Variants in ATAD3B observed in about 807,000 individuals in gnomAD.
The protein encoded by ATAD3B is ATPase family AAA domain containing 3B, also known as ATPase family AAA domain-containing protein 3B.
In ATAD3B, 59 loss-of-function variants were observed where a neutral mutation model predicts 70.2. That is an observed-to-expected ratio of 0.84 (90% CI 0.68 to 1.04). The LOEUF (loss-of-function observed/expected upper bound fraction) is 1.04. ATAD3B is among the 50% of genes least tolerant of loss of function. ATAD3B has a pLI of 0.00. For missense variants in ATAD3B, 961 were observed against 913.4 expected (o/e 1.05, Z -0.67); for synonymous variants, 423 against 388.6 (o/e 1.09, Z -1.04).
At position 1,482,293 on chromosome 1, in the gene ATAD3B, G is replaced by C; in HGVS notation, c.670G>C (p.Glu224Gln). 6.2e-7 allele frequency: 1 copy of C among 1,608,968 alleles called. No homozygotes were observed. Among genetic ancestry groups the C allele is most frequent in the Non-Finnish European group, 8.5e-7 (1 of 1,178,622 alleles). ...GTCCGAGCACCGTCAGACCGTCTTG[G>C]AGTCCATCAGGTGAGCACTGCCCAG... ...KASEHRQTVL[E>Q]SIRTAGTLFG... The change falls in exon 6 of 16, where the codon GAG (glutamate) becomes CAG (glutamine). Residue 224 changes from glutamate (E) to glutamine (Q), a missense_variant. Glu to Gln is a conservative substitution (Grantham distance 29, BLOSUM62 2). Around this residue, in one of 4 missense-constraint regions of ATAD3B, gnomAD observed 349 missense variants for 307.5 expected, o/e 1.14. Coordinates refer to ENST00000673477, the MANE Select transcript of ATAD3B (RefSeq NM_031921.6).
chr1:1,484,849 C>T lies in ATAD3B; in HGVS notation c.751-167C>T. On this transcript the variant is annotated intron_variant, in intron 7 of 15. Transcript: ENST00000673477. ...CTGCCCCACCTGCCTCCTGTAACCG[C>T]GTGGCTGTGGGATTCGGGGCTGGGA... The T allele has an allele frequency of 1.6e-5, 23 of 1,408,490 alleles. 1 individual carries two copies. Among genetic ancestry groups the T allele is most frequent in the Middle Eastern group, 2.6e-4 (1 of 3,838 alleles). The allele number at this position is 1,408,490 out of a possible 1,614,324, so 87.2% of individuals were successfully genotyped here.
chr1:1,485,230 C>A (rs1640141590), intron 8 of ATAD3B, 59 bp downstream of exon 8: 5 of 1,592,024 alleles, frequency 3.1e-6, no homozygotes, highest in East Asian at 4.5e-5. Context: ...CCTTCTGCCC[C>A]ACGAGCACAG....
intron 15 of ATAD3B, among the ~76,000 whole-genome samples, chr1:1,492,116 G>T (rs961634715): frequency 5.3e-5 from 8 of 151,616 alleles, no homozygotes; most frequent in Non-Finnish European, 5.9e-5. Context: ...AGTCCAGGAG[G>T]CGGAGGCTGC....
chr1:1,472,554 T>G (rs947564124), intron 1 of ATAD3B, among the ~76,000 whole-genome samples: 8 of 152,016 alleles, frequency 5.3e-5, no homozygotes, highest in African/African-American at 1.7e-4. Context: ...TTGCACTTCT[T>G]GTTGGAAGAC....
In ATAD3B at chr1:1,490,381, C is replaced by T. The variant is rs1640473521; in HGVS notation, c.1462C>T (p.His488Tyr). ...QEERERLVRL[H>Y]FDNCVLKPAT... ...GGAGCGGGAGCGCCTGGTGAGACTG[C>T]ATTTTGACAACTGTGTTCTTAAGCC... The change falls in exon 14 of 16, where the codon CAT (histidine) becomes TAT (tyrosine). Residue 488 changes from histidine (H) to tyrosine (Y), a missense_variant. Physicochemically the swap from His to Tyr is moderately conservative, Grantham distance 83. This residue lies in a region of ATAD3B where 417 missense variants were observed against 335.0 expected (regional missense o/e 1.24). Transcript: ENST00000673477. 1 of 1,613,372 alleles carries T rather than the reference C, an allele frequency of 6.2e-7. No homozygotes were observed. Among genetic ancestry groups the T allele is most frequent in the Non-Finnish European group, 8.5e-7 (1 of 1,179,678 alleles).
intron 4 of ATAD3B, among the ~76,000 whole-genome samples, 193 bp from the exon 5 acceptor site, chr1:1,480,674 G>A (rs1281489439): frequency 6.8e-6 from 1 of 147,176 alleles, no homozygotes; most frequent in African/African-American, 2.5e-5. Context: ...TTGGGACCCT[G>A]AACCCATCCC....
chr1:1,489,815 C>T lies in ATAD3B; in HGVS notation c.1338-442C>T, dbSNP rs1640434107. The T allele has an allele frequency of 8.7e-6, 11 of 1,262,510 alleles. 1 individual carries two copies. Among genetic ancestry groups the T allele is most frequent in the African/African-American group, 1.5e-5 (1 of 64,572 alleles). The allele number at this position is 1,262,510 out of a possible 1,614,324, so 78.2% of individuals were successfully genotyped here. ...GCTCCCTGGAGCCCTGACTCAGGTCCTTCCCAGAGAGGCAAGGCTGGGGCC... is the reference window on the plus strand; with the variant it reads ...GCTCCCTGGAGCCCTGACTCAGGTCTTTCCCAGAGAGGCAAGGCTGGGGCC... On this transcript the variant is annotated intron_variant, in intron 13 of 15. Transcript: ENST00000673477.
In ATAD3B at chr1:1,486,565, A is replaced by G. The variant is rs140644969; in HGVS notation, c.1111A>G (p.Met371Val). 4.3e-6 allele frequency: 7 copies of G among 1,611,890 alleles called. No individual in the cohort carries two copies. The highest frequency in any genetic ancestry group is 1.4e-5 in the African/African-American group (1 of 73,848). ...CCAGAAACTCGCCCTGCACTCAGGC[A>G]TGGACTACGCCATCATGACAGGCGG... ...FAKKLALHSG[M>V]DYAIMTGGDV... Residue 371 changes from methionine (M) to valine (V), a missense_variant, in exon 11 of 16, where the codon ATG becomes GTG. By Grantham distance (21) the Met-to-Val change is conservative (BLOSUM62 1). Coordinates refer to ENST00000673477, the MANE Select transcript of ATAD3B (RefSeq NM_031921.6).
At chr1:1,502,990 C>T in the ATAD3B span, among the ~76,000 whole-genome samples, 24 of 150,852 alleles carry the variant, frequency 1.6e-4, no homozygotes, top group East Asian at 7.9e-4. Context: ...TTTGGGAGGC[C>T]GAGGCAGGTG....
chr1:1,499,000 C>A (rs189214313), downstream of ATAD3B, among the ~76,000 whole-genome samples: 1,257 of 148,680 alleles, frequency 8.5e-3, 13 homozygotes, highest in Admixed American at 0.013. Flanking sequence ...GAGACAGAGT[C>A]TCATGCTGTC....
chr1:1,503,741 G>T, the ATAD3B span: 1 of 1,577,664 alleles, frequency 6.3e-7, no homozygotes, highest in Non-Finnish European at 8.6e-7. Context: ...TACTGCCGGT[G>T]GGTAGGGCTG....
Position 1,485,743 on chromosome 1 carries a change from G to A in ATAD3B, c.907-39G>A, listed in dbSNP as rs761450639. On this transcript the variant is annotated intron_variant, in intron 8 of 15. Coordinates refer to ENST00000673477, the MANE Select transcript of ATAD3B (RefSeq NM_031921.6). ...CGTTGGTGGCTGTTCCGTGGCTGTGGCAGGTGACCCAATGGTGCTTCCCCT... is the reference window on the plus strand; with the variant it reads ...CGTTGGTGGCTGTTCCGTGGCTGTGACAGGTGACCCAATGGTGCTTCCCCT... 8.1e-6 allele frequency: 13 copies of A among 1,610,914 alleles called. 1 individual carries two copies. The highest frequency in any genetic ancestry group is 5.0e-5 in the Admixed American group (3 of 59,858).
In ATAD3B at chr1:1,472,089, CG is replaced by C. The variant is rs1557787297; in HGVS notation, c.205+1del. ...GGCGGCGCGCGAGCTGGAGCACTCG[CG>C]TGAGTGCGGCGGGGCGGGGCGGGGC... On this transcript the variant is annotated splice_donor_variant, in intron 1 of 15. Transcript: ENST00000673477. LOFTEE classifies it high-confidence loss of function. 1.8e-6 allele frequency: 2 copies of C among 1,117,180 alleles called. No individual in the cohort carries two copies. The highest frequency in any genetic ancestry group is 1.1e-6 in the Non-Finnish European group (1 of 919,214). 69.2% of individuals were successfully genotyped at this position (1,117,180 alleles called of 1,614,324 possible).
rs1640204005 is a variant in ATAD3B, at chr1:1,486,152, A to G, written c.1006A>G (p.Arg336Gly). 4.3e-6 allele frequency: 7 copies of G among 1,613,166 alleles called. No individual in the cohort carries two copies. The highest frequency in any genetic ancestry group is 5.1e-6 in the Non-Finnish European group (6 of 1,179,648). Residue 336 changes from arginine to glycine, a missense_variant, in exon 10 of 16, where the codon AGG (arginine) becomes GGG (glycine). Transcript: ENST00000673477. The stretch of plus-strand genomic sequence containing the variant: ...GGTGCGCGACATCGCCATAGCAACC[A>G]GGAACACCAAGAAGAACCGGGGCCT... ...ARVRDIAIAT[R>G]NTKKNRGLYR... is the part of the protein sequence containing the mutation.
chr1:1,476,615 TCTC>T (rs1166731067), intron 1 of ATAD3B, among the ~76,000 whole-genome samples: 3 of 151,556 alleles, frequency 2.0e-5, no homozygotes, highest in South Asian at 2.1e-4. Flanking sequence ...TTCACGCCAT[TCTC>T]CTGCCTCAGC....
Position 1,486,648 on chromosome 1 carries a change from G to A in ATAD3B, c.1194G>A (p.Trp398Ter), listed in dbSNP as rs1401488362. The A allele has an allele frequency of 4.4e-6, 7 of 1,607,188 alleles. No homozygotes were observed. The highest frequency in any genetic ancestry group is 5.9e-6 in the Non-Finnish European group (7 of 1,176,538). The change falls in exon 11 of 16, where the codon TGG becomes TGA. Residue 398 changes from tryptophan to a stop codon, truncating the protein, a stop_gained. Coordinates refer to ENST00000673477, the MANE Select transcript of ATAD3B (RefSeq NM_031921.6). LOFTEE classifies it high-confidence loss of function. ...GVTAMHKLFDWANTSRRGLLL... is the reference protein window; with the variant it reads ...GVTAMHKLFD ...CCGCCATGCACAAGCTCTTTGACTGGGCCAATACCAGCCGGCGCGGGTGAG... is the reference window on the plus strand; with the variant it reads ...CCGCCATGCACAAGCTCTTTGACTGAGCCAATACCAGCCGGCGCGGGTGAG...
Position 1,496,125 on chromosome 1 carries a change from C to T in ATAD3B, c.*308C>T, listed in dbSNP as rs1354980319. 12 of 1,133,308 alleles carry T rather than the reference C, an allele frequency of 1.1e-5. No individual in the cohort carries two copies. The East Asian group carries it at 2.8e-4, about 27-fold the overall frequency. 70.2% of individuals were successfully genotyped at this position (1,133,308 alleles called of 1,614,324 possible). A position where few individuals can be genotyped will look rare whatever the true frequency, so the allele number is the denominator to read the frequency against. On this transcript the variant is annotated 3_prime_UTR_variant, in exon 16 of 16. Coordinates refer to ENST00000673477, the MANE Select transcript of ATAD3B (RefSeq NM_031921.6). ...GGAACCCGGCAGGGGTGTCTGAGGC[C>T]GCCCTGTCAGCTGGCCGGTCCAAGC...
Position 1,496,369 on chromosome 1 carries a change from G to T in ATAD3B, c.*552G>T, listed in dbSNP as rs1640796743. On this transcript the variant is annotated 3_prime_UTR_variant, in exon 16 of 16. Transcript: ENST00000673477. ...AGCCTCGCGCCACATCCGAGTTGGG[G>T]TCTGAATGCTGCCCGGGACTGCCGC... 1 of 566,378 alleles carries T rather than the reference G, an allele frequency of 1.8e-6. No homozygotes were observed. Among genetic ancestry groups the T allele is most frequent in the Non-Finnish European group, 2.2e-6 (1 of 446,540 alleles). The allele number at this position is 566,378 out of a possible 1,614,324, so 35.1% of individuals were successfully genotyped here.
chr1:1,486,102 C>A lies in ATAD3B; in HGVS notation c.964-8C>A. The A allele has an allele frequency of 1.2e-6, 2 of 1,613,046 alleles. No individual in the cohort carries two copies. The highest frequency in any genetic ancestry group is 1.7e-6 in the Non-Finnish European group (2 of 1,179,646). On this transcript the variant is annotated splice_region_variant and splice_polypyrimidine_tract_variant and intron_variant, in intron 9 of 15. Transcript: ENST00000673477. ...GTGTCTCCCCCAAACCCCCGTCTTCCCCGGCAGCCCAGCCTGGAAGCACGG... is the reference window on the plus strand; with the variant it reads ...GTGTCTCCCCCAAACCCCCGTCTTCACCGGCAGCCCAGCCTGGAAGCACGG...
Sources: gnomAD v4.1 joint callset for allele counts (sites outside exome capture counted in the v4.1 genomes callset) on GRCh38, gnomAD v4.1.1 for gene constraint, gnomAD v4.1.1 regional missense constraint, MANE v1.5 for transcripts, NCBI Gene and HGNC (gene_info 2026-07-23, HGNC 2026-07-21) for gene names.